Variants in NKAIN3 observed in about 807,000 individuals in gnomAD.
NKAIN3 encodes sodium/potassium-transporting ATPase subunit beta-1-interacting protein 3.
A neutral mutation model predicts 30.2 loss-of-function variants in NKAIN3; 25 were observed. The observed-to-expected ratio is 0.83, with a 90% CI of 0.60 to 1.16. The LOEUF (loss-of-function observed/expected upper bound fraction) is 1.16. Ranked by LOEUF, NKAIN3 falls within the 50% of genes most tolerant of loss-of-function variation. NKAIN3 has a pLI of 0.00. For missense variants in NKAIN3, 225 were observed against 254.1 expected (o/e 0.89, Z 0.78); for synonymous variants, 91 against 89.6 (o/e 1.02, Z -0.09).
intron 5 of NKAIN3, among the ~76,000 whole-genome samples, chr8:62,947,286 C>T (rs533432945): frequency 3.2e-4 from 49 of 152,280 alleles, no homozygotes; most frequent in African/African-American, 1.1e-3. Context: ...AACACTTGCT[C>T]AGTGCCTAGG....
chr8:62,930,320 C>G (rs999079218), intron 5 of NKAIN3, among the ~76,000 whole-genome samples: 10 of 152,178 alleles, frequency 6.6e-5, no homozygotes, highest in Admixed American at 2.6e-4. Flanking sequence ...ATGGTGCGAT[C>G]TTAGCTCACT....
intron 3 of NKAIN3, among the ~76,000 whole-genome samples, chr8:62,630,672 C>G (rs1284362835): frequency 1.3e-5 from 2 of 152,128 alleles, no homozygotes; most frequent in Non-Finnish European, 1.5e-5. Flanking sequence ...TCTCATCACC[C>G]CCAAGTTCTG....
chr8:62,563,176 G>A (rs985037286), intron 1 of NKAIN3, among the ~76,000 whole-genome samples: 11 of 152,194 alleles, frequency 7.2e-5, no homozygotes, highest in African/African-American at 2.4e-4. Flanking sequence ...CTTATTCCTG[G>A]CTTAAGCTAT....
intron 1 of NKAIN3, among the ~76,000 whole-genome samples, chr8:62,405,389 G>T (rs1804030377): frequency 6.6e-6 from 1 of 152,190 alleles, no homozygotes; most frequent in African/African-American, 2.4e-5. Context: ...TAGGACCACA[G>T]AGTACTTTAT....
rs780887997 is a variant in NKAIN3 at position 62,569,773 on chromosome 8, GA to G, written c.55-9753del. 2.5e-3 allele frequency among the ~76,000 whole-genome samples: 327 copies of G among 128,736 alleles called. 1 individual carries two copies. Among genetic ancestry groups the G allele is most frequent in the Middle Eastern group, 0.025 (6 of 238 alleles). 84.5% of individuals were successfully genotyped at this position (128,736 alleles called of 152,430 possible). A position where few individuals can be genotyped will look rare whatever the true frequency, so the allele number is the denominator to read the frequency against. On this transcript the variant is annotated intron_variant, in intron 1 of 6. Coordinates refer to ENST00000623646, the MANE Select transcript of NKAIN3 (RefSeq NM_001304533.3). ...TCTGGGCAGTAGAGTGAGACTGTCT[GA>G]AAAAAAAAAAAAGCCTACTTCAGTA...
chr8:62,451,033 A>C (rs547622706), intron 1 of NKAIN3, among the ~76,000 whole-genome samples: 1 of 152,308 alleles, frequency 6.6e-6, no homozygotes, highest in South Asian at 2.1e-4. Flanking sequence ...ATGTTTTAAC[A>C]TTAATTTTTT....
intron 3 of NKAIN3, among the ~76,000 whole-genome samples, chr8:62,737,825 A>AT (rs954393959): frequency 1.3e-5 from 2 of 151,978 alleles, no homozygotes; most frequent in Non-Finnish European, 2.9e-5. Flanking sequence ...AAACAAGATA[A>AT]TTTTTTTTCC....
intron 3 of NKAIN3, among the ~76,000 whole-genome samples, chr8:62,652,703 C>T (rs1673913606): frequency 6.6e-6 from 1 of 152,208 alleles, no homozygotes; most frequent in African/African-American, 2.4e-5. Context: ...AGCTTTACGA[C>T]TGCACTTTTT....
intron 1 of NKAIN3, among the ~76,000 whole-genome samples, chr8:62,541,898 G>A (rs1056990728): frequency 1.3e-5 from 2 of 151,958 alleles, no homozygotes; most frequent in African/African-American, 4.8e-5. Context: ...CTTTTAAAAT[G>A]TCTTTTATGT....
intron 4 of NKAIN3, among the ~76,000 whole-genome samples, chr8:62,896,427 G>T (rs1284310753): frequency 6.6e-6 from 1 of 152,102 alleles, no homozygotes; most frequent in African/African-American, 2.4e-5. Context: ...CAGTAGCTAG[G>T]CTAAGGGCTG....
At chr8:62,709,564 A>T (rs547282208) in intron 3 of NKAIN3, among the ~76,000 whole-genome samples, 1 of 152,230 alleles carries the variant, frequency 6.6e-6, no homozygotes, top group East Asian at 1.9e-4. Flanking sequence ...GTCAGTTGTA[A>T]TATCCACCGT....
At chr8:62,990,319 G>A (rs1824295609) in intron 5 of NKAIN3, 1 of 1,377,170 alleles carries the variant, frequency 7.3e-7, no homozygotes, top group African/African-American at 1.5e-5. Flanking sequence ...TTATTTTAGA[G>A]TGTCATTCTA....
chr8:62,774,451 C>T (rs1339739692), intron 4 of NKAIN3, among the ~76,000 whole-genome samples: 2 of 152,090 alleles, frequency 1.3e-5, no homozygotes, highest in Non-Finnish European at 2.9e-5. Flanking sequence ...TGTTGAATTA[C>T]AGTGGTGAAA....
chr8:62,412,316 A>G (rs984923240), intron 1 of NKAIN3, among the ~76,000 whole-genome samples: 2 of 114,900 alleles, frequency 1.7e-5, no homozygotes, highest in Non-Finnish European at 4.4e-5. Flanking sequence ...AAACAAACAA[A>G]CAAAAAAAAA....
intron 3 of NKAIN3, among the ~76,000 whole-genome samples, chr8:62,679,055 C>A (rs1813570072): frequency 6.6e-6 from 1 of 152,134 alleles, no homozygotes; most frequent in Non-Finnish European, 1.5e-5. Flanking sequence ...AATTAGAGAT[C>A]CCAGATTGGG....
chr8:62,474,840 A>G (rs1283160752), intron 1 of NKAIN3, among the ~76,000 whole-genome samples: 1 of 152,216 alleles, frequency 6.6e-6, no homozygotes. Context: ...AAGAACCCCA[A>G]TAATGGCAAA....
intron 1 of NKAIN3, among the ~76,000 whole-genome samples, chr8:62,499,658 G>A (rs140072426): frequency 1.1e-4 from 16 of 152,194 alleles, no homozygotes; most frequent in African/African-American, 3.6e-4. Flanking sequence ...CTTTAATTAA[G>A]GTTAGTTAGT....
At chr8:62,522,580 C>T (rs973791094) in intron 1 of NKAIN3, among the ~76,000 whole-genome samples, 13 of 152,002 alleles carry the variant, frequency 8.6e-5, no homozygotes, top group South Asian at 2.1e-4. Flanking sequence ...ACCCTGAAGA[C>T]CTTCCAGTGG....
At chr8:62,852,312 G>GT (rs1819933597) in intron 4 of NKAIN3, among the ~76,000 whole-genome samples, 1 of 151,702 alleles carries the variant, frequency 6.6e-6, no homozygotes, top group South Asian at 2.1e-4. Flanking sequence ...CCCCTTTATC[G>GT]TTTTTTATTG....
Sources: allele counts gnomAD v4.1 joint callset (sites outside exome capture counted in the v4.1 genomes callset), GRCh38; gene constraint gnomAD v4.1.1; transcripts MANE v1.5; gene names NCBI Gene and HGNC (gene_info 2026-07-23, HGNC 2026-07-21).